Variants in BEND7 observed in about 807,000 individuals in gnomAD.
The protein encoded by BEND7 is BEN domain-containing protein 7.
Under a neutral mutation model 50.9 loss-of-function variants are expected in BEND7, and 28 were observed. That is an observed-to-expected ratio of 0.55 (90% CI 0.41 to 0.75). BEND7 has a LOEUF of 0.75. Among genes scored for constraint, BEND7 ranks in the 30% least tolerant of loss-of-function variants. The pLI is 0.00. For missense variants in BEND7, 477 were observed against 491.3 expected (o/e 0.97, Z 0.28); for synonymous variants, 170 against 183.9 (o/e 0.92, Z 0.61).
intron 7 of BEND7, among the ~76,000 whole-genome samples, chr10:13,449,084 A>G (rs1263559453): frequency 6.6e-6 from 1 of 152,208 alleles, no homozygotes; most frequent in African/African-American, 2.4e-5. Context: ...TATAGAAAAA[A>G]TATGGCACAT....
chr10:13,441,576 A>G lies in BEND7; in HGVS notation c.*167T>C. 2 of 1,457,370 alleles carry G rather than the reference A, an allele frequency of 1.4e-6. No individual in the cohort carries two copies. The highest frequency in any genetic ancestry group is 5.0e-5 in the East Asian group (2 of 40,244). The allele number at this position is 1,457,370 out of a possible 1,614,324, so 90.3% of individuals were successfully genotyped here. A position where few individuals can be genotyped will look rare whatever the true frequency, so the allele number is the denominator to read the frequency against. On this transcript the variant is annotated 3_prime_UTR_variant, in exon 9 of 9. Coordinates refer to ENST00000466271, the MANE Select transcript of BEND7 (RefSeq NM_001369863.1). ...TCTTAACAGACCACAGTTGGAAGTT[A>G]GCGTTTCTGCCTTGACCAGCAACAT...
intron 6 of BEND7, among the ~76,000 whole-genome samples, chr10:13,466,870 C>T (rs1447477709): frequency 6.6e-6 from 1 of 152,058 alleles, no homozygotes; most frequent in African/African-American, 2.4e-5. Flanking sequence ...CTGAGTTTAC[C>T]CCCTCGCCAG....
intron 5 of BEND7, among the ~76,000 whole-genome samples, chr10:13,484,972 G>A (rs1449451746): frequency 6.6e-6 from 1 of 152,178 alleles, no homozygotes. Context: ...CAGGCCTGTG[G>A]ACTTTCACGA....
chr10:13,446,118 CTG>C (rs1836264908), intron 8 of BEND7: 4 of 152,194 alleles, frequency 2.6e-5, no homozygotes, highest in Admixed American at 2.6e-4. Context: ...TATAATGACT[CTG>C]TATGGGAAGA....
rs925346726 is a variant in BEND7 at position 13,465,554 on chromosome 10, T to C, written c.1064-12896A>G. 7.2e-5 allele frequency among the ~76,000 whole-genome samples: 11 copies of C among 152,284 alleles called. No homozygotes were observed. The East Asian group carries it at 1.9e-3, about 27-fold the overall frequency. On this transcript the variant is annotated intron_variant, in intron 6 of 8. Transcript: ENST00000466271. ...GATGTAATGAAAAGGGCCCTAGATA[T>C]CCATAAAACTGATTCCAAGCCATAT...
At chr10:13,517,065 CTT>C (rs5783329) in intron 2 of BEND7, among the ~76,000 whole-genome samples, 126 of 126,034 alleles carry the variant, frequency 1.0e-3, no homozygotes, top group Admixed American at 1.8e-3. Context: ...TTTCTGGTGG[CTT>C]TTTTTTTTTT....
downstream of BEND7, chr10:13,439,488 C>T (rs1835074609): frequency 6.3e-7 from 1 of 1,598,706 alleles, no homozygotes. Flanking sequence ...GCAGGGCCCA[C>T]CACAAGCACC....
At chr10:13,444,416 G>C (rs970536384) in intron 8 of BEND7, 5 of 152,114 alleles carry the variant, frequency 3.3e-5, no homozygotes, top group African/African-American at 1.2e-4. Context: ...AAACACTTAA[G>C]CATTTACATC....
At chr10:13,475,746 ATCTT>A (rs1588830477) in intron 6 of BEND7, among the ~76,000 whole-genome samples, 1 of 152,214 alleles carries the variant, frequency 6.6e-6, no homozygotes, top group Non-Finnish European at 1.5e-5. Flanking sequence ...AAACTGAAAC[ATCTT>A]TCTTTCTTTT....
intron 6 of BEND7, among the ~76,000 whole-genome samples, chr10:13,471,754 G>A (rs1349396216): frequency 1.3e-5 from 2 of 152,246 alleles, no homozygotes; most frequent in Admixed American, 1.3e-4. Context: ...CAGGACAGAG[G>A]TGGAGCCACC....
intron 2 of BEND7, among the ~76,000 whole-genome samples, chr10:13,507,955 T>C (rs1246087680): frequency 6.6e-6 from 1 of 152,238 alleles, no homozygotes; most frequent in Admixed American, 6.5e-5. Context: ...GTCCAAAATA[T>C]TTCCTCTTAA....
intron 6 of BEND7, among the ~76,000 whole-genome samples, chr10:13,461,822 A>G (rs1236305488): frequency 6.6e-6 from 1 of 152,198 alleles, no homozygotes; most frequent in Non-Finnish European, 1.5e-5. Flanking sequence ...AGTGAGCAGA[A>G]GCATTGCTGT....
At chr10:13,472,032 G>A (rs571069749) in intron 6 of BEND7, among the ~76,000 whole-genome samples, 7 of 150,262 alleles carry the variant, frequency 4.7e-5, no homozygotes, top group African/African-American at 1.7e-4. Flanking sequence ...ACTCGGGGTC[G>A]ATACCCGTCA....
At chr10:13,472,870 C>G (rs972591341) in intron 6 of BEND7, among the ~76,000 whole-genome samples, 2 of 151,124 alleles carry the variant, frequency 1.3e-5, no homozygotes, top group African/African-American at 4.9e-5. Context: ...GGGTCGATAC[C>G]CATCATCACT....
chr10:13,447,270 T>C lies in BEND7; in HGVS notation c.1230A>G (p.Pro410=). The change falls in exon 8 of 9, where the codon CCA becomes CCG. Residue 410 remains proline, a synonymous_variant. Coordinates refer to ENST00000466271, the MANE Select transcript of BEND7 (RefSeq NM_001369863.1). ...ATGTAAATGCGTTTTATTTACCTGTTGGTGGTAGAGCAATGCCGTCCAGTC... is the reference window on the plus strand; with the variant it reads ...ATGTAAATGCGTTTTATTTACCTGTCGGTGGTAGAGCAATGCCGTCCAGTC... ...DERLDGIALP[P]TVV is the part of the protein sequence containing the mutation. The C allele has an allele frequency of 1.2e-6, 2 of 1,614,144 alleles. No homozygotes were observed. The highest frequency in any genetic ancestry group is 1.7e-6 in the Non-Finnish European group (2 of 1,180,006).
chr10:13,516,468 G>GT (rs2078680639), intron 2 of BEND7, among the ~76,000 whole-genome samples: 1 of 152,216 alleles, frequency 6.6e-6, no homozygotes, highest in Non-Finnish European at 1.5e-5. Flanking sequence ...GCTCACGCTG[G>GT]TAATTCCAGC....
At chr10:13,457,129 C>T (rs1297184339) in intron 6 of BEND7, among the ~76,000 whole-genome samples, 1 of 152,226 alleles carries the variant, frequency 6.6e-6, no homozygotes, top group Non-Finnish European at 1.5e-5. Context: ...ATAGCAACCC[C>T]TCTTTTCTTG....
chr10:13,508,046 G>T (rs200189228), intron 2 of BEND7, among the ~76,000 whole-genome samples: 1 of 152,188 alleles, frequency 6.6e-6, no homozygotes, highest in Non-Finnish European at 1.5e-5. Flanking sequence ...GTGGGAGCAC[G>T]GAGCCAGGGC....
chr10:13,528,599 A>G lies in BEND7; in HGVS notation c.-66T>C, dbSNP rs878939433. On this transcript the variant is annotated 5_prime_UTR_variant, in exon 1 of 9. Transcript: ENST00000466271. ...CAGCGGCGGCAGCGGCAGCGGCGGC[A>G]GCGGCAGCGGCGGCGCGGGCTCGTG... 8 of 706,906 alleles carry G rather than the reference A, an allele frequency of 1.1e-5. No individual in the cohort carries two copies. The South Asian group carries it at 2.2e-4, about 20-fold the overall frequency. 43.8% of individuals were successfully genotyped at this position (706,906 alleles called of 1,614,324 possible).
Sources: gnomAD v4.1 joint callset for allele counts (sites outside exome capture counted in the v4.1 genomes callset) on GRCh38, gnomAD v4.1.1 for gene constraint, MANE v1.5 for transcripts, NCBI Gene and HGNC (gene_info 2026-07-23, HGNC 2026-07-21) for gene names.